Variants in ESYT2 observed in about 807,000 individuals in gnomAD.
ESYT2 encodes the protein extended synaptotagmin-2.
Under a neutral mutation model 107.2 loss-of-function variants are expected in ESYT2, and 54 were observed. That is an observed-to-expected ratio of 0.50 (90% confidence interval 0.40 to 0.63). The LOEUF (loss-of-function observed/expected upper bound fraction) is 0.63, where lower values mean the gene tolerates loss of function less well. Among genes scored for constraint, ESYT2 ranks in the 30% least tolerant of loss-of-function variants. The pLI, the probability that ESYT2 is intolerant of heterozygous loss-of-function variation, is 0.00. For synonymous variants in ESYT2, 491 were observed against 434.1 expected (o/e 1.13, Z -1.63); for missense variants, 1,020 against 1,094.5 (o/e 0.93, Z 0.96).
intron 20 of ESYT2, 127 bp downstream of exon 20, chr7:158,736,921 T>G: frequency 8.4e-7 from 1 of 1,195,110 alleles, no homozygotes; most frequent in Non-Finnish European, 1.2e-6. Context: ...TTGCTAAAAG[T>G]TGGTTTCTGA....
chr7:158,736,658 G>A (rs6960190), intron 20 of ESYT2, among the ~76,000 whole-genome samples: 1 of 151,762 alleles, frequency 6.6e-6, no homozygotes, highest in Non-Finnish European at 1.5e-5. Flanking sequence ...ATGTCATACG[G>A]TAAGATGTTT....
At chr7:158,801,436 C>G (rs774712013) in intron 1 of ESYT2, among the ~76,000 whole-genome samples, 9 of 152,118 alleles carry the variant, frequency 5.9e-5, no homozygotes, top group Non-Finnish European at 1.0e-4. Flanking sequence ...AAATCTGTTA[C>G]GAAATTTTAA....
chr7:158,817,052 T>A (rs1464765052), intron 1 of ESYT2, among the ~76,000 whole-genome samples: 5 of 152,200 alleles, frequency 3.3e-5, no homozygotes, highest in Admixed American at 2.0e-4. Context: ...TTATATAACA[T>A]TTTACAAATT....
chr7:158,789,810 C>T (rs935314443), intron 4 of ESYT2, among the ~76,000 whole-genome samples: 7 of 152,146 alleles, frequency 4.6e-5, no homozygotes, highest in South Asian at 2.1e-4. Context: ...GCATATGTTA[C>T]GGCAGCTAAC....
At chr7:158,803,483 C>A (rs1462414023) in intron 1 of ESYT2, among the ~76,000 whole-genome samples, 1 of 152,184 alleles carries the variant, frequency 6.6e-6, no homozygotes, top group African/African-American at 2.4e-5. Context: ...ACTCAGCATA[C>A]TACAGGTTTA....
intron 1 of ESYT2, among the ~76,000 whole-genome samples, chr7:158,826,139 G>C (rs772636522): frequency 3.9e-5 from 6 of 152,012 alleles, no homozygotes; most frequent in Non-Finnish European, 8.8e-5. Flanking sequence ...CCCCTGCCGC[G>C]CAGCAGAATT....
At chr7:158,765,788 T>C (rs1189746391) in intron 8 of ESYT2, among the ~76,000 whole-genome samples, 2 of 151,926 alleles carry the variant, frequency 1.3e-5, no homozygotes, top group African/African-American at 2.4e-5. Flanking sequence ...TTCCCGAAAA[T>C]ATTGTTTTAT....
chr7:158,821,301 A>G (rs1448970110), intron 1 of ESYT2, among the ~76,000 whole-genome samples: 1 of 152,212 alleles, frequency 6.6e-6, no homozygotes, highest in Non-Finnish European at 1.5e-5. Context: ...TCAAGGAACA[A>G]TAAGATCATT....
intron 1 of ESYT2, among the ~76,000 whole-genome samples, chr7:158,813,846 C>T (rs556902783): frequency 2.6e-3 from 397 of 151,588 alleles, no homozygotes; most frequent in African/African-American, 8.5e-3. Flanking sequence ...TTCCTCGTCC[C>T]GATGACTCTC....
In ESYT2 at chr7:158,777,743, G is replaced by A. The variant is rs548814381; in HGVS notation, c.748-4347C>T. On this transcript the variant is annotated intron_variant, in intron 6 of 22. Transcript: ENST00000275418. ...CAGTCTCAGGTAGAATCTTTATAGC[G>A]GTGTGAGAATGTACTAATCCGCCAT... Among the ~76,000 whole-genome samples, 8 of 152,194 alleles carry A rather than the reference G, an allele frequency of 5.3e-5. No homozygotes were observed. The South Asian group carries it at 8.3e-4, about 16-fold the overall frequency.
intron 1 of ESYT2, 83 bp from the exon 2 acceptor site, chr7:158,799,155 TC>T (rs1839559961): frequency 2.4e-6 from 3 of 1,234,102 alleles, no homozygotes; most frequent in South Asian, 2.5e-5. Flanking sequence ...CATATTCTCA[TC>T]ATACGTCCTA....
At position 158,759,467 on chromosome 7, in the gene ESYT2, T is replaced by C; in HGVS notation, c.1419+19A>G. 6.3e-7 allele frequency: 1 copy of C among 1,594,882 alleles called. No individual in the cohort carries two copies. Among genetic ancestry groups the C allele is most frequent in the African/African-American group, 1.3e-5 (1 of 74,610 alleles). Reference sequence around the variant, plus strand: ...GCTAGGAAATACGCACCCACAGGTGTTACCACTGTGTTACCTACCGGAAGG... The same window carrying C: ...GCTAGGAAATACGCACCCACAGGTGCTACCACTGTGTTACCTACCGGAAGG... On this transcript the variant is annotated intron_variant, in intron 13 of 22. Coordinates refer to ENST00000275418, the MANE Select transcript of ESYT2 (RefSeq NM_001367773.1).
intron 4 of ESYT2, among the ~76,000 whole-genome samples, chr7:158,792,959 G>A (rs2602551): frequency 0.66 from 99,378 of 151,418 alleles, 34,841 homozygotes; most frequent in Non-Finnish European, 0.78. Context: ...TAGTAGAGAC[G>A]GGGTTTCACC....
intron 1 of ESYT2, among the ~76,000 whole-genome samples, chr7:158,801,379 T>C (rs915969302): frequency 2.0e-5 from 3 of 152,206 alleles, no homozygotes; most frequent in Non-Finnish European, 4.4e-5. Flanking sequence ...ATTATCCCAA[T>C]GTGCTAAAGA....
chr7:158,793,586 A>C, intron 4 of ESYT2, 64 bp downstream of exon 4: 1 of 1,190,716 alleles, frequency 8.4e-7, no homozygotes, highest in Non-Finnish European at 1.2e-6. Flanking sequence ...TCCACCTTAC[A>C]GGTACAGCTA....
chr7:158,783,366 G>C (rs1388627927), intron 6 of ESYT2, among the ~76,000 whole-genome samples: 1 of 152,176 alleles, frequency 6.6e-6, no homozygotes, highest in East Asian at 1.9e-4. Flanking sequence ...CTGTATGCCT[G>C]GCATCCTGGC....
intron 13 of ESYT2, 64 bp downstream of exon 13, chr7:158,759,422 G>A (rs573302652): frequency 7.7e-7 from 1 of 1,292,926 alleles, no homozygotes. Flanking sequence ...ACAAAGCAGT[G>A]GTTATAAGCA....
intron 1 of ESYT2, among the ~76,000 whole-genome samples, chr7:158,828,504 G>T (rs571729680): frequency 1.1e-4 from 16 of 152,364 alleles, no homozygotes; most frequent in Middle Eastern, 3.4e-3. Flanking sequence ...TGGCGCTCGG[G>T]GTCTGCAGGC....
intron 13 of ESYT2, among the ~76,000 whole-genome samples, chr7:158,754,372 A>G (rs551706687): frequency 1.5e-4 from 23 of 151,346 alleles, no homozygotes; most frequent in Non-Finnish European, 3.1e-4. Flanking sequence ...ACACCCGGCT[A>G]ATTTTTTGTA....
Sources: allele counts gnomAD v4.1 joint callset (sites outside exome capture counted in the v4.1 genomes callset), GRCh38; gene constraint gnomAD v4.1.1; transcripts MANE v1.5; gene names NCBI Gene and HGNC (gene_info 2026-07-23, HGNC 2026-07-21).